The following CHRM3 variants were observed in gnomAD, a reference collection of about 807,000 sequenced individuals.
The protein encoded by CHRM3 is muscarinic acetylcholine receptor M3.
In CHRM3, 11 loss-of-function variants were observed where a neutral mutation model predicts 41.8. The ratio of observed to expected loss-of-function variants is 0.26; its 90% confidence interval spans 0.17 to 0.44. CHRM3 has a LOEUF of 0.44. Among genes scored for constraint, CHRM3 ranks in the 20% least tolerant of loss-of-function variants. The pLI, the probability that CHRM3 is intolerant of heterozygous loss-of-function variation, is 1.00. For synonymous variants in CHRM3, 297 were observed against 301.4 expected (o/e 0.99, Z 0.15); for missense variants, 571 against 745.4 (o/e 0.77, Z 2.72).
chr1:239,768,336 T>TAA (rs1188761668), intron 5 of CHRM3, among the ~76,000 whole-genome samples: 1 of 152,138 alleles, frequency 6.6e-6, no homozygotes, highest in Non-Finnish European at 1.5e-5. Context: ...AACACTAGAA[T>TAA]AAAGGCAGTA....
intron 2 of CHRM3, among the ~76,000 whole-genome samples, chr1:239,496,242 T>C (rs1047135234): frequency 3.9e-5 from 6 of 152,152 alleles, no homozygotes; most frequent in African/African-American, 4.8e-5. Context: ...GGCCACTGGA[T>C]GGATATTATG....
intron 1 of CHRM3, among the ~76,000 whole-genome samples, chr1:239,397,791 T>C (rs1438534734): frequency 6.7e-6 from 1 of 149,310 alleles, no homozygotes; most frequent in Non-Finnish European, 1.5e-5. Context: ...GTAAAAGATA[T>C]ACCAAAAATT....
At chr1:239,525,313 C>T (rs1050897776) in intron 2 of CHRM3, among the ~76,000 whole-genome samples, 1 of 151,602 alleles carries the variant, frequency 6.6e-6, no homozygotes, top group Non-Finnish European at 1.5e-5. Context: ...CTCTCCAGCC[C>T]TGGTGACAGA....
At chr1:239,594,312 C>T (rs1006801691) in intron 3 of CHRM3, among the ~76,000 whole-genome samples, 1 of 152,186 alleles carries the variant, frequency 6.6e-6, no homozygotes, top group African/African-American at 2.4e-5. Context: ...AGCTTTTCCC[C>T]AAATAGGTTG....
At chr1:239,635,887 C>A (rs6700941) in intron 4 of CHRM3, among the ~76,000 whole-genome samples, 3,464 of 152,120 alleles carry the variant, frequency 0.023, 146 homozygotes, top group African/African-American at 0.079. Context: ...CGTTAAATAT[C>A]TTAAAAGAAA....
rs1055215209 is a variant in CHRM3 at position 239,796,301 on chromosome 1, A to G, written c.-146-30951A>G. 3.3e-5 allele frequency among the ~76,000 whole-genome samples: 5 copies of G among 152,206 alleles called. No homozygotes were observed. The East Asian group carries it at 9.6e-4, about 29-fold the overall frequency. On this transcript the variant is annotated intron_variant, in intron 5 of 6. Coordinates refer to ENST00000676153, the MANE Select transcript of CHRM3 (RefSeq NM_001375978.1). ...ATGAAGTGTAATGGAGGGCAGTCACAGAGAAAAAAGAAGTGGAAAACAAAG... is the reference window on the plus strand; with the variant it reads ...ATGAAGTGTAATGGAGGGCAGTCACGGAGAAAAAAGAAGTGGAAAACAAAG...
At chr1:239,560,303 GT>G (rs1281006194) in intron 3 of CHRM3, among the ~76,000 whole-genome samples, 1 of 151,922 alleles carries the variant, frequency 6.6e-6, no homozygotes, top group Middle Eastern at 3.2e-3. Flanking sequence ...ATACGCTGAT[GT>G]TTTTTAATGA....
chr1:239,711,345 G>A (rs763852569), intron 5 of CHRM3, among the ~76,000 whole-genome samples: 5 of 151,856 alleles, frequency 3.3e-5, no homozygotes, highest in South Asian at 2.1e-4. Context: ...ACATTACTCA[G>A]AGTTTACTCC....
chr1:239,889,487 C>T (rs1383661301), intron 6 of CHRM3, among the ~76,000 whole-genome samples: 1 of 152,134 alleles, frequency 6.6e-6, no homozygotes, highest in Admixed American at 6.5e-5. Context: ...CCGGCGTTCC[C>T]CTGTACAAGC....
chr1:239,500,384 C>T (rs894264881), intron 2 of CHRM3, among the ~76,000 whole-genome samples: 2 of 149,356 alleles, frequency 1.3e-5, no homozygotes, highest in Middle Eastern at 3.2e-3. Flanking sequence ...CCAAACACCG[C>T]ATGTTCTCAC....
intron 3 of CHRM3, among the ~76,000 whole-genome samples, chr1:239,566,499 A>G (rs1409600595): frequency 6.6e-6 from 1 of 152,198 alleles, no homozygotes. Flanking sequence ...TATCTTTTGT[A>G]TCAGAGTTGT....
At chr1:239,768,724 C>A (rs1195652572) in intron 5 of CHRM3, among the ~76,000 whole-genome samples, 1 of 151,810 alleles carries the variant, frequency 6.6e-6, no homozygotes, top group Non-Finnish European at 1.5e-5. Flanking sequence ...TCAGAAGTCT[C>A]TTCTTTGCCT....
intron 6 of CHRM3, among the ~76,000 whole-genome samples, chr1:239,840,226 G>A (rs1446880051): frequency 6.6e-6 from 1 of 151,956 alleles, no homozygotes; most frequent in Non-Finnish European, 1.5e-5. Context: ...CTTTGGTGGT[G>A]GACTTTTTTT....
intron 6 of CHRM3, among the ~76,000 whole-genome samples, chr1:239,884,587 T>G (rs1256244131): frequency 6.6e-6 from 1 of 152,204 alleles, no homozygotes; most frequent in African/African-American, 2.4e-5. Flanking sequence ...AAAAGTCTCC[T>G]TAACGAAGCT....
chr1:239,431,386 G>A (rs559866583), intron 1 of CHRM3, among the ~76,000 whole-genome samples: 1 of 152,274 alleles, frequency 6.6e-6, no homozygotes, highest in Admixed American at 6.5e-5. Context: ...TAAAATGCCT[G>A]AGGATATAAC....
At chr1:239,475,300 T>C (rs766394236) in intron 1 of CHRM3, among the ~76,000 whole-genome samples, 1 of 152,092 alleles carries the variant, frequency 6.6e-6, no homozygotes, top group Non-Finnish European at 1.5e-5. Context: ...AATATTTATA[T>C]TGACATCAAC....
intron 5 of CHRM3, among the ~76,000 whole-genome samples, chr1:239,743,198 A>T (rs1328518671): frequency 2.0e-5 from 3 of 152,214 alleles, no homozygotes; most frequent in Admixed American, 1.3e-4. Context: ...AAGGAAACAG[A>T]TTATTTTTGA....
At chr1:239,627,005 A>G (rs1258806497) in intron 3 of CHRM3, among the ~76,000 whole-genome samples, 2 of 128,978 alleles carry the variant, frequency 1.6e-5, no homozygotes, top group Non-Finnish European at 3.3e-5. Context: ...AGTTCTGTAG[A>G]TGTCTATTAG....
intron 1 of CHRM3, among the ~76,000 whole-genome samples, chr1:239,402,675 T>C (rs1660080275): frequency 6.6e-6 from 1 of 152,306 alleles, no homozygotes; most frequent in Middle Eastern, 3.4e-3. Context: ...ATATTAGGCC[T>C]GAAGTCCTCA....
Sources: gnomAD v4.1 joint callset for allele counts (sites outside exome capture counted in the v4.1 genomes callset) on GRCh38, gnomAD v4.1.1 for gene constraint, MANE v1.5 for transcripts, NCBI Gene and HGNC (gene_info 2026-07-23, HGNC 2026-07-21) for gene names.